CRTC3: variants seen among roughly 807,000 people sequenced by gnomAD.
CRTC3 encodes CREB regulated transcription coactivator 3.
Under a neutral mutation model 74.5 loss-of-function variants are expected in CRTC3, and 26 were observed. That is an observed-to-expected ratio of 0.35 (90% CI 0.26 to 0.48). The LOEUF (loss-of-function observed/expected upper bound fraction) is 0.48, where lower values mean the gene tolerates loss of function less well. CRTC3 is among the 20% of genes least tolerant of loss of function. The pLI is 0.99. For missense variants in CRTC3, 760 were observed against 787.3 expected (o/e 0.97, Z 0.41); for synonymous variants, 377 against 325.8 (o/e 1.16, Z -1.69).
chr15:90,556,553 T>C (rs1234836856), intron 2 of CRTC3, among the ~76,000 whole-genome samples: 1 of 152,226 alleles, frequency 6.6e-6, no homozygotes, highest in Non-Finnish European at 1.5e-5. Context: ...AAGCACAAAA[T>C]TTAATCACAC....
chr15:90,590,744 T>G (rs1967780545), intron 2 of CRTC3, among the ~76,000 whole-genome samples: 1 of 152,076 alleles, frequency 6.6e-6, no homozygotes, highest in Admixed American at 6.6e-5. Context: ...GAGAAGTAAT[T>G]GAGAAGGTTA....
At chr15:90,559,357 A>T (rs1966964311) in intron 2 of CRTC3, among the ~76,000 whole-genome samples, 1 of 152,216 alleles carries the variant, frequency 6.6e-6, no homozygotes, top group African/African-American at 2.4e-5. Flanking sequence ...GCCCAAAAGG[A>T]CCTGAGCCAC....
chr15:90,596,153 A>C (rs999608914), intron 3 of CRTC3: 4 of 152,268 alleles, frequency 2.6e-5, no homozygotes, highest in Non-Finnish European at 5.9e-5. Context: ...CTGGGGACCC[A>C]GTGATGAATA....
Position 90,587,912 on chromosome 15 carries a change from C to T in CRTC3, c.232-5724C>T, listed in dbSNP as rs974424188. ...TACAGGCCTGAGCCACTATGCCTGG[C>T]TCCCATTTGCAGATTCTTTTGACTT... On this transcript the variant is annotated intron_variant, in intron 2 of 14. Coordinates refer to ENST00000268184, the MANE Select transcript of CRTC3 (RefSeq NM_022769.5). Among the ~76,000 whole-genome samples, 18 of 151,602 alleles carry T rather than the reference C, an allele frequency of 1.2e-4. 1 individual carries two copies. Among genetic ancestry groups the T allele is most frequent in the Admixed American group, 9.2e-4 (14 of 15,250 alleles).
intron 13 of CRTC3, among the ~76,000 whole-genome samples, chr15:90,640,797 C>G (rs114534710): frequency 0.02 from 3,015 of 151,782 alleles, 118 homozygotes; most frequent in African/African-American, 0.07. Context: ...AGGCTGAGGA[C>G]AGATGTCTGA....
chr15:90,559,922 C>T (rs749332059), intron 2 of CRTC3, among the ~76,000 whole-genome samples: 4 of 152,324 alleles, frequency 2.6e-5, no homozygotes, highest in African/African-American at 4.8e-5. Flanking sequence ...GGATTACAGG[C>T]GTGAGCCACC....
At chr15:90,555,160 G>C (rs1023023033) in intron 2 of CRTC3, among the ~76,000 whole-genome samples, 1 of 152,086 alleles carries the variant, frequency 6.6e-6, no homozygotes, top group African/African-American at 2.4e-5. Context: ...TGTACCACTC[G>C]TGCTCTTCCA....
intron 6 of CRTC3, among the ~76,000 whole-genome samples, chr15:90,611,451 A>G (rs1016501669): frequency 6.6e-6 from 1 of 151,828 alleles, no homozygotes; most frequent in Non-Finnish European, 1.5e-5. Context: ...GCCAGTCACA[A>G]CTCATTCCTT....
intron 3 of CRTC3, chr15:90,597,723 C>A (rs1967962937): frequency 1.3e-5 from 2 of 152,224 alleles, no homozygotes; most frequent in South Asian, 4.1e-4. Context: ...TAACACCCGT[C>A]TTATCTTGAA....
chr15:90,619,420 C>G (rs1968580054), intron 8 of CRTC3, among the ~76,000 whole-genome samples: 1 of 152,152 alleles, frequency 6.6e-6, no homozygotes, highest in Non-Finnish European at 1.5e-5. Context: ...TGTGCCACTG[C>G]CACTCCAGCC....
chr15:90,535,005 CAAAAAA>C (rs1262223434), intron 1 of CRTC3, among the ~76,000 whole-genome samples: 1 of 151,816 alleles, frequency 6.6e-6, no homozygotes, highest in Non-Finnish European at 1.5e-5. Flanking sequence ...ACTAAAAATA[CAAAAAA>C]TTAGCCAGGC....
chr15:90,580,137 G>A (rs1302386059), intron 2 of CRTC3, among the ~76,000 whole-genome samples: 3 of 152,080 alleles, frequency 2.0e-5, no homozygotes, highest in Admixed American at 2.0e-4. Flanking sequence ...AGTTTAGTTA[G>A]GACTATGCCT....
Position 90,639,823 on chromosome 15 carries a change from G to A in CRTC3, c.1548+1008G>A, listed in dbSNP as rs555695287. ...AGCAGTTTGGGAGGCCGAGGCGGGC[G>A]GATCATGAGGTCAGGAGATCGAGAC... is the stretch of plus-strand genomic sequence containing the variant. On this transcript the variant is annotated intron_variant, in intron 13 of 14. Coordinates refer to ENST00000268184, the MANE Select transcript of CRTC3 (RefSeq NM_022769.5). Among the ~76,000 whole-genome samples the A allele has an allele frequency of 2.2e-3, 331 of 150,846 alleles. 3 individuals are homozygous for A. Among genetic ancestry groups the A allele is most frequent in the South Asian group, 6.3e-3 (30 of 4,774 alleles).
rs764408847 is a variant in CRTC3 at position 90,604,412 on chromosome 15, G to C, written c.441G>C (p.Lys147Asn). Reference protein sequence around the residue: ...PRQQPPWKDEKHPGFRLTSAL... With the variant: ...PRQQPPWKDENHPGFRLTSAL... ...AGCAGCCTCCTTGGAAAGACGAAAA[G>C]CATCCTGGGTTCAGGCTGACATCTG... Residue 147 changes from lysine (K) to asparagine (N), a missense_variant, in exon 5 of 15, where the codon AAG (lysine) becomes AAC (asparagine). Transcript: ENST00000268184. The C allele has an allele frequency of 2.5e-6, 4 of 1,614,078 alleles. No homozygotes were observed. Among genetic ancestry groups the C allele is most frequent in the Non-Finnish European group, 3.4e-6 (4 of 1,179,944 alleles).
rs758104321 is a variant in CRTC3 at position 90,629,214 on chromosome 15, G to C, written c.968-20G>C. 1 of 1,598,056 alleles carries C rather than the reference G, an allele frequency of 6.3e-7. No homozygotes were observed. Among genetic ancestry groups the C allele is most frequent in the Non-Finnish European group, 8.5e-7 (1 of 1,170,032 alleles). ...TTTGGTCTGAAATTATAAGTAACTTGTGAATTTGTTGTCTTCCAGGTCTCC... is the reference window on the plus strand; with the variant it reads ...TTTGGTCTGAAATTATAAGTAACTTCTGAATTTGTTGTCTTCCAGGTCTCC... On this transcript the variant is annotated intron_variant, in intron 10 of 14. Coordinates refer to ENST00000268184, the MANE Select transcript of CRTC3 (RefSeq NM_022769.5).
In CRTC3 at chr15:90,619,928, A is replaced by C. The variant is rs369109927; in HGVS notation, c.749+138A>C. 398 of 678,448 alleles carry C rather than the reference A, an allele frequency of 5.9e-4. 1 individual carries two copies. The highest frequency in any genetic ancestry group is 2.7e-5 in the East Asian group (1 of 37,402). The allele number at this position is 678,448 out of a possible 1,614,324, so 42.0% of individuals were successfully genotyped here. A position where few individuals can be genotyped will look rare whatever the true frequency, so the allele number is the denominator to read the frequency against. On this transcript the variant is annotated intron_variant, in intron 9 of 14. Coordinates refer to ENST00000268184, the MANE Select transcript of CRTC3 (RefSeq NM_022769.5). ...GAAAGTCAACTGCATTTTCATAAAA[A>C]CAGCCACTCTCTTTTGATACTCATA...
intron 2 of CRTC3, among the ~76,000 whole-genome samples, chr15:90,587,364 T>A (rs7180428): frequency 0.16 from 24,415 of 152,090 alleles, 3,016 homozygotes; most frequent in African/African-American, 0.35. Context: ...ACACGTCCTG[T>A]TTCATTACAG....
chr15:90,637,134 G>C (rs980154650), intron 11 of CRTC3, among the ~76,000 whole-genome samples: 2 of 152,216 alleles, frequency 1.3e-5, no homozygotes, highest in African/African-American at 4.8e-5. Context: ...ATTCACAATA[G>C]CAAAGACTTG....
In CRTC3 at chr15:90,530,914, A is replaced by C. The variant is rs1046881209; in HGVS notation, c.132+711A>C. ...GGACAAACACCTGGAGAGGTTAGGTAACCGCTGAGTGAGGCAGTGGAGGAT... is the reference window on the plus strand; with the variant it reads ...GGACAAACACCTGGAGAGGTTAGGTCACCGCTGAGTGAGGCAGTGGAGGAT... On this transcript the variant is annotated intron_variant, in intron 1 of 14. Transcript: ENST00000268184. This position sits in a 1 kb window ranked among gnomAD's most constrained non-coding sequence, Gnocchi z 6.2. Among the ~76,000 whole-genome samples the C allele has an allele frequency of 6.6e-6, 1 of 152,210 alleles. No individual in the cohort carries two copies. Among genetic ancestry groups the C allele is most frequent in the African/African-American group, 2.4e-5 (1 of 41,456 alleles).
Sources: allele counts gnomAD v4.1 joint callset (sites outside exome capture counted in the v4.1 genomes callset), GRCh38; gene constraint gnomAD v4.1.1; non-coding constraint Gnocchi (gnomAD v3.1); transcripts MANE v1.5; gene names NCBI Gene and HGNC (gene_info 2026-07-23, HGNC 2026-07-21).